CACNG4: variants seen among roughly 807,000 people sequenced by gnomAD.
The protein encoded by CACNG4 is voltage-dependent calcium channel gamma-4 subunit.
A neutral mutation model predicts 22.9 loss-of-function variants in CACNG4; 8 were observed. The observed-to-expected ratio is 0.35, with a 90% CI of 0.21 to 0.63. The LOEUF (loss-of-function observed/expected upper bound fraction) is 0.63, where lower values mean the gene tolerates loss of function less well. CACNG4 is among the 30% of genes least tolerant of loss of function. The pLI is 0.72. For synonymous variants in CACNG4, 188 were observed against 191.9 expected, an observed-to-expected ratio of 0.98 and a Z score of 0.17; for missense variants, 357 against 455.4, an observed-to-expected ratio of 0.78 and a Z score of 1.97.
At position 66,970,762 on chromosome 17, in the gene CACNG4, A is replaced by G. The variant is rs111599159; in HGVS notation, c.220+5631A>G. Among the ~76,000 whole-genome samples the G allele has an allele frequency of 2.3e-3, 357 of 152,258 alleles. 1 individual carries two copies. The highest frequency in any genetic ancestry group is 4.6e-3 in the South Asian group (22 of 4,820). ...TTACACAGAGGATTATGTCTTCATC[A>G]TATGTATTTTGGGGGCACACAGACA... On this transcript the variant is annotated intron_variant, in intron 1 of 3. Transcript: ENST00000262138.
chr17:66,996,229 T>C (rs1018535221), intron 1 of CACNG4, among the ~76,000 whole-genome samples: 1 of 149,362 alleles, frequency 6.7e-6, no homozygotes, highest in African/African-American at 2.6e-5. Context: ...TCGCTAGTGG[T>C]AAAGAGGGCA....
intron 1 of CACNG4, among the ~76,000 whole-genome samples, chr17:66,976,110 G>A (rs1330912680): frequency 1.3e-5 from 2 of 152,132 alleles, no homozygotes; most frequent in East Asian, 3.9e-4. Flanking sequence ...TGCCGCGTCA[G>A]GTGACCTCCC....
At chr17:67,023,990 A>G (rs1360667957) in intron 2 of CACNG4, among the ~76,000 whole-genome samples, 4 of 152,222 alleles carry the variant, frequency 2.6e-5, no homozygotes, top group African/African-American at 4.8e-5. Flanking sequence ...TTCCCAAGTT[A>G]TAAAAGGGGA....
In CACNG4 at chr17:66,965,256, G is replaced by C. The variant is rs1022662018; in HGVS notation, c.220+125G>C. On this transcript the variant is annotated intron_variant, in intron 1 of 3. Transcript: ENST00000262138. ...CACACTGCCCGGCGCGCGGGCCGGGGAGAGGGTGGGCGCGGCGCTGGCTCC... is the reference window on the plus strand; with the variant it reads ...CACACTGCCCGGCGCGCGGGCCGGGCAGAGGGTGGGCGCGGCGCTGGCTCC... 9.5e-6 allele frequency: 6 copies of C among 634,904 alleles called. No homozygotes were observed. In the African/African-American group the frequency reaches 1.2e-4, roughly 12 times the overall value. The allele number at this position is 634,904 out of a possible 1,614,324, so 39.3% of individuals were successfully genotyped here. A position where few individuals can be genotyped will look rare whatever the true frequency, so the allele number is the denominator to read the frequency against.
At chr17:67,021,269 C>T (rs1268177067) in intron 2 of CACNG4, among the ~76,000 whole-genome samples, 2 of 109,142 alleles carry the variant, frequency 1.8e-5, no homozygotes, top group Non-Finnish European at 1.8e-5. Context: ...TGGAGTACAG[C>T]AGCAAAGAAA....
At chr17:66,996,002 A>G (rs999428346) in intron 1 of CACNG4, among the ~76,000 whole-genome samples, 1 of 152,070 alleles carries the variant, frequency 6.6e-6, no homozygotes, top group Non-Finnish European at 1.5e-5. Flanking sequence ...TGAATCCCAA[A>G]CCCTGGTTTT....
At chr17:66,970,840 T>C (rs1349702004) in intron 1 of CACNG4, among the ~76,000 whole-genome samples, 1 of 152,202 alleles carries the variant, frequency 6.6e-6, no homozygotes, top group Non-Finnish European at 1.5e-5. Flanking sequence ...AGCTGGTGCT[T>C]ACTCTCCAAT....
At chr17:67,005,827 C>T (rs906669133) in intron 1 of CACNG4, among the ~76,000 whole-genome samples, 5 of 152,240 alleles carry the variant, frequency 3.3e-5, no homozygotes, top group African/African-American at 1.2e-4. Flanking sequence ...TCCTGCCCCA[C>T]TGCCTGGTTC....
chr17:66,978,183 G>C (rs186296111), intron 1 of CACNG4, among the ~76,000 whole-genome samples: 1 of 152,106 alleles, frequency 6.6e-6, no homozygotes, highest in African/African-American at 2.4e-5. Context: ...CTAGCTGTGG[G>C]GCCTTAAGCC....
intron 2 of CACNG4, among the ~76,000 whole-genome samples, chr17:67,018,733 C>G (rs1376562223): frequency 1.3e-5 from 2 of 152,154 alleles, no homozygotes; most frequent in African/African-American, 2.4e-5. Context: ...AAATCAGATA[C>G]AGTCACACAC....
intron 1 of CACNG4, among the ~76,000 whole-genome samples, chr17:67,015,189 G>GA (rs1339343523): frequency 6.6e-6 from 1 of 152,166 alleles, no homozygotes; most frequent in Non-Finnish European, 1.5e-5. Context: ...ATTCCGCTCA[G>GA]AAATAACACG....
chr17:66,976,495 C>T (rs2035237295), intron 1 of CACNG4, among the ~76,000 whole-genome samples: 1 of 150,476 alleles, frequency 6.6e-6, no homozygotes. Context: ...TCTATCCTCT[C>T]CATCCTCCCT....
chr17:66,983,583 C>T (rs950212988), intron 1 of CACNG4, among the ~76,000 whole-genome samples: 1 of 152,126 alleles, frequency 6.6e-6, no homozygotes, highest in Non-Finnish European at 1.5e-5. Context: ...ACGCACGATG[C>T]CAGGCCCCAG....
intron 1 of CACNG4, among the ~76,000 whole-genome samples, chr17:67,012,831 G>A (rs2035476216): frequency 6.6e-6 from 1 of 152,220 alleles, no homozygotes; most frequent in South Asian, 2.1e-4. Context: ...TAGGCCAAGA[G>A]GTACGAGGTG....
At chr17:67,025,057 GT>G in intron 3 of CACNG4, 57 bp downstream of exon 3, 1 of 1,478,498 alleles carries the variant, frequency 6.8e-7, no homozygotes, top group Non-Finnish European at 9.0e-7. Context: ...AGGAGTGCCT[GT>G]CTCGTGTGGT....
chr17:67,021,639 C>T (rs1308504467), intron 2 of CACNG4: 1 of 152,346 alleles, frequency 6.6e-6, no homozygotes, highest in Non-Finnish European at 1.5e-5. Context: ...TCCACAGGCT[C>T]TGCTGGTCCC....
intron 1 of CACNG4, among the ~76,000 whole-genome samples, chr17:66,997,751 A>T (rs1390915273): frequency 6.6e-6 from 1 of 152,160 alleles, no homozygotes; most frequent in Admixed American, 6.6e-5. Context: ...TGGGAGGTGG[A>T]GGTTGCAGTG....
chr17:66,991,897 A>T (rs183045431), intron 1 of CACNG4, among the ~76,000 whole-genome samples: 1 of 152,178 alleles, frequency 6.6e-6, no homozygotes, highest in Non-Finnish European at 1.5e-5. Flanking sequence ...GGAGAGTCCA[A>T]CTTGAAATTT....
chr17:66,985,142 C>T (rs1055829369), intron 1 of CACNG4, among the ~76,000 whole-genome samples: 1 of 152,182 alleles, frequency 6.6e-6, no homozygotes, highest in African/African-American at 2.4e-5. Context: ...GCTCCCACCA[C>T]CCGCCCTCAT....
Sources: gnomAD v4.1 joint callset for allele counts (sites outside exome capture counted in the v4.1 genomes callset) on GRCh38, gnomAD v4.1.1 for gene constraint, MANE v1.5 for transcripts, NCBI Gene and HGNC (gene_info 2026-07-23, HGNC 2026-07-21) for gene names.